Variants in RAB2A observed in about 807,000 individuals in gnomAD.
RAB2A encodes the protein ras-related protein Rab-2A.
In RAB2A, 7 loss-of-function variants were observed where a neutral mutation model predicts 32.5. That is an observed-to-expected ratio of 0.22 (90% CI 0.12 to 0.40). The LOEUF (loss-of-function observed/expected upper bound fraction) is 0.40. Among genes scored for constraint, RAB2A ranks in the 10% least tolerant of loss-of-function variants. The pLI is 1.00. For synonymous variants in RAB2A, 79 were observed against 85.2 expected, an observed-to-expected ratio of 0.93 and a Z score of 0.40; for missense variants, 108 against 260.7, an observed-to-expected ratio of 0.41 and a Z score of 4.03.
At chr8:60,560,395 T>C (rs1808003899) in intron 2 of RAB2A, among the ~76,000 whole-genome samples, 1 of 152,234 alleles carries the variant, frequency 6.6e-6, no homozygotes, top group African/African-American at 2.4e-5. Context: ...GCCTGTTTAA[T>C]GAGCTCTCTT....
intron 6 of RAB2A, among the ~76,000 whole-genome samples, chr8:60,600,514 A>G (rs1804115732): frequency 6.6e-6 from 1 of 152,214 alleles, no homozygotes; most frequent in Admixed American, 6.5e-5. Flanking sequence ...TAAACACTAA[A>G]CATGCAGCTA....
chr8:60,527,769 A>G (rs1299363407), intron 1 of RAB2A, among the ~76,000 whole-genome samples: 1 of 152,208 alleles, frequency 6.6e-6, no homozygotes, highest in African/African-American at 2.4e-5. Flanking sequence ...GTATATACTT[A>G]GTAACTGCTG....
intron 3 of RAB2A, among the ~76,000 whole-genome samples, chr8:60,577,626 AT>A (rs35908258): frequency 0.13 from 18,251 of 143,740 alleles, 1,336 homozygotes; most frequent in East Asian, 0.26. Flanking sequence ...AGAGGTCTAA[AT>A]TTTTTTTTTT....
At chr8:60,536,469 C>T (rs17743567) in intron 1 of RAB2A, among the ~76,000 whole-genome samples, 4 of 152,082 alleles carry the variant, frequency 2.6e-5, no homozygotes, top group African/African-American at 7.2e-5. Flanking sequence ...AAAAAGTTTT[C>T]TCTTCAAGCA....
rs569685990 is a variant in RAB2A at position 60,528,380 on chromosome 8, C to G, written c.46+11127C>G. Among the ~76,000 whole-genome samples, 512 of 152,316 alleles carry G rather than the reference C, an allele frequency of 3.4e-3. 3 individuals carry two copies. Among genetic ancestry groups the G allele is most frequent in the African/African-American group, 0.012 (492 of 41,574 alleles). On this transcript the variant is annotated intron_variant, in intron 1 of 7. Transcript: ENST00000262646. ...TTTTATCCTGCTTCTTTGAATGTTACAATAATTTCCCCATATGCATTTGAA... is the reference window on the plus strand; with the variant it reads ...TTTTATCCTGCTTCTTTGAATGTTAGAATAATTTCCCCATATGCATTTGAA...
In RAB2A at chr8:60,622,883, T is replaced by C. The variant is rs1804551260; in HGVS notation, c.*2114T>C. On this transcript the variant is annotated 3_prime_UTR_variant, in exon 8 of 8. Transcript: ENST00000262646. ...GTTAAGGAATATGTTATGAATCCTTTCTGTTAATTGAGAAAGCAATGTTAT... is the reference window on the plus strand; with the variant it reads ...GTTAAGGAATATGTTATGAATCCTTCCTGTTAATTGAGAAAGCAATGTTAT... 6.6e-6 allele frequency: 1 copy of C among 152,250 alleles called. No homozygotes were observed. The highest frequency in any genetic ancestry group is 2.4e-5 in the African/African-American group (1 of 41,478). The allele number at this position is 152,250 out of a possible 1,614,324, so 9.4% of individuals were successfully genotyped here. A position where few individuals can be genotyped will look rare whatever the true frequency, so the allele number is the denominator to read the frequency against.
At chr8:60,520,224 T>C (rs1807280494) in intron 1 of RAB2A, among the ~76,000 whole-genome samples, 1 of 152,204 alleles carries the variant, frequency 6.6e-6, no homozygotes, top group African/African-American at 2.4e-5. Context: ...TTAAAAACTT[T>C]TACATGATCA....
intron 1 of RAB2A, among the ~76,000 whole-genome samples, chr8:60,535,321 A>G (rs1807541198): frequency 1.3e-5 from 2 of 152,204 alleles, no homozygotes; most frequent in Admixed American, 1.3e-4. Context: ...GTTCCTCTTT[A>G]CACTTTACAT....
At chr8:60,526,020 C>A (rs867179184) in intron 1 of RAB2A, among the ~76,000 whole-genome samples, 1 of 92,356 alleles carries the variant, frequency 1.1e-5, no homozygotes. Flanking sequence ...TGTGTGTGTA[C>A]ATATATATAT....
chr8:60,592,068 C>T, intron 6 of RAB2A, 99 bp downstream of exon 6: 1 of 631,686 alleles, frequency 1.6e-6, no homozygotes, highest in East Asian at 2.9e-5. Context: ...GTCGGATGGT[C>T]TTTGAACATC....
In RAB2A at chr8:60,556,831, A is replaced by G. The variant is rs186074371; in HGVS notation, c.47-2021A>G. On this transcript the variant is annotated intron_variant, in intron 1 of 7. Transcript: ENST00000262646. Reference sequence around the variant, plus strand: ...TGGTTCTTCTATCACTTAAATGATTACCAAACTCTTAGATGATTCTTGAAG... The same window carrying G: ...TGGTTCTTCTATCACTTAAATGATTGCCAAACTCTTAGATGATTCTTGAAG... Among the ~76,000 whole-genome samples, 451 of 152,236 alleles carry G rather than the reference A, an allele frequency of 3.0e-3. 4 individuals are homozygous for G. The highest frequency in any genetic ancestry group is 4.9e-3 in the Non-Finnish European group (332 of 68,006).
chr8:60,558,924 G>GT lies in RAB2A; in HGVS notation c.118+2dup. ...CAGCCAGTGCATGACCTTACTATTG[G>GT]TAAGTTTTATAAAAGGGATGAGAAG... On this transcript the variant is annotated splice_donor_variant, in intron 2 of 7. Transcript: ENST00000262646. LOFTEE classifies it high-confidence loss of function. 1 of 1,607,644 alleles carries GT rather than the reference G, an allele frequency of 6.2e-7. No homozygotes were observed. The highest frequency in any genetic ancestry group is 8.5e-7 in the Non-Finnish European group (1 of 1,175,040).
chr8:60,603,034 A>G (rs1804162249), intron 6 of RAB2A, among the ~76,000 whole-genome samples: 1 of 152,224 alleles, frequency 6.6e-6, no homozygotes, highest in African/African-American at 2.4e-5. Flanking sequence ...TTCTAATGAC[A>G]CATCCCACTT....
At chr8:60,541,918 G>A (rs187022689) in intron 1 of RAB2A, among the ~76,000 whole-genome samples, 1 of 152,138 alleles carries the variant, frequency 6.6e-6, no homozygotes, top group African/African-American at 2.4e-5. Context: ...TGACAACAGA[G>A]GCTATTGTGT....
At chr8:60,611,429 A>G (rs879293025) in intron 6 of RAB2A, among the ~76,000 whole-genome samples, 9 of 152,192 alleles carry the variant, frequency 5.9e-5, no homozygotes, top group African/African-American at 2.2e-4. Flanking sequence ...TCAGGCCTTC[A>G]CTTGCAGGGC....
chr8:60,556,454 A>G (rs2205386), intron 1 of RAB2A, among the ~76,000 whole-genome samples: 1 of 150,908 alleles, frequency 6.6e-6, no homozygotes, highest in Non-Finnish European at 1.5e-5. Context: ...CATGTATATC[A>G]CTCTTATAAA....
chr8:60,580,037 C>T (rs2130846101), intron 3 of RAB2A, among the ~76,000 whole-genome samples: 1 of 149,970 alleles, frequency 6.7e-6, no homozygotes, highest in East Asian at 2.0e-4. Context: ...CACTCTGTTG[C>T]CCAGGCTGGA....
intron 2 of RAB2A, among the ~76,000 whole-genome samples, chr8:60,563,761 A>G (rs193247931): frequency 6.6e-6 from 1 of 152,152 alleles, no homozygotes. Context: ...CAATTTTTTT[A>G]CCTCATCAGA....
intron 2 of RAB2A, 150 bp from the exon 3 acceptor site, chr8:60,571,896 A>G (rs937574349): frequency 3.3e-5 from 15 of 455,468 alleles, no homozygotes; most frequent in Non-Finnish European, 4.4e-5. Context: ...TAGCTTATGT[A>G]TTTTCTAAGT....
Sources: allele counts gnomAD v4.1 joint callset (sites outside exome capture counted in the v4.1 genomes callset), GRCh38; gene constraint gnomAD v4.1.1; transcripts MANE v1.5; gene names NCBI Gene and HGNC (gene_info 2026-07-23, HGNC 2026-07-21).